Variants in LHFPL3 observed in about 807,000 individuals in gnomAD.
LHFPL3 encodes the protein LHFPL tetraspan subfamily member 3, also known as LHFPL tetraspan subfamily member 3 protein.
Under a neutral mutation model 19.3 loss-of-function variants are expected in LHFPL3, and 5 were observed. The observed-to-expected ratio is 0.26, with a 90% CI of 0.14 to 0.54. LHFPL3 has a LOEUF of 0.54. LHFPL3 is among the 20% of genes least tolerant of loss of function. LHFPL3 has a pLI of 0.94. For missense variants in LHFPL3, 249 were observed against 307.4 expected (o/e 0.81, Z 1.42); for synonymous variants, 133 against 126.2 (o/e 1.05, Z -0.36).
At chr7:104,434,582 T>A (rs1792064880) in intron 1 of LHFPL3, among the ~76,000 whole-genome samples, 1 of 152,220 alleles carries the variant, frequency 6.6e-6, no homozygotes, top group Non-Finnish European at 1.5e-5. Context: ...CCAGGTCCAC[T>A]TCACCATGGC....
intron 2 of LHFPL3, among the ~76,000 whole-genome samples, chr7:104,742,405 G>T (rs1386711312): frequency 1.3e-5 from 2 of 152,142 alleles, no homozygotes; most frequent in African/African-American, 4.8e-5. Context: ...ATATATTAAG[G>T]GTTTAAGCTC....
At chr7:104,601,741 G>T (rs1464659508) in intron 1 of LHFPL3, among the ~76,000 whole-genome samples, 1 of 152,086 alleles carries the variant, frequency 6.6e-6, no homozygotes, top group East Asian at 1.9e-4. Flanking sequence ...GCTCCAGTTA[G>T]AGTGCCCCAA....
At chr7:104,367,469 G>A (rs1308987962) in intron 1 of LHFPL3, among the ~76,000 whole-genome samples, 1 of 152,176 alleles carries the variant, frequency 6.6e-6, no homozygotes, top group Non-Finnish European at 1.5e-5. Context: ...TATTAAGACA[G>A]AACTAAGTTT....
intron 1 of LHFPL3, chr7:104,669,027 C>T: frequency 6.2e-7 from 1 of 1,612,066 alleles, no homozygotes; most frequent in Non-Finnish European, 8.5e-7. Flanking sequence ...AGACTGGGAC[C>T]TCCACCACAT....
intron 1 of LHFPL3, among the ~76,000 whole-genome samples, chr7:104,524,401 C>A (rs2188174): frequency 0.54 from 82,308 of 151,952 alleles, 22,409 homozygotes; most frequent in Middle Eastern, 0.63. Flanking sequence ...TCATAGGAAG[C>A]CACTTTGCTT....
At chr7:104,440,938 C>T (rs1016383942) in intron 1 of LHFPL3, among the ~76,000 whole-genome samples, 3 of 152,098 alleles carry the variant, frequency 2.0e-5, no homozygotes, top group Non-Finnish European at 4.4e-5. Context: ...TAGACATATG[C>T]ATACACTTAT....
intron 1 of LHFPL3, among the ~76,000 whole-genome samples, chr7:104,444,165 G>A (rs1424570772): frequency 6.6e-6 from 1 of 152,168 alleles, no homozygotes; most frequent in African/African-American, 2.4e-5. Flanking sequence ...GTAGATACCA[G>A]CCAGGGGCCA....
intron 2 of LHFPL3, among the ~76,000 whole-genome samples, chr7:104,768,352 C>CT (rs1283855334): frequency 6.6e-6 from 1 of 152,066 alleles, no homozygotes; most frequent in African/African-American, 2.4e-5. Context: ...TATCATTGGC[C>CT]TTTTGTGAAC....
chr7:104,482,555 G>A (rs1793157784), intron 1 of LHFPL3, among the ~76,000 whole-genome samples: 1 of 152,106 alleles, frequency 6.6e-6, no homozygotes, highest in South Asian at 2.1e-4. Flanking sequence ...TATACTGTCT[G>A]TGATTTGTCC....
At chr7:104,343,274 G>C (rs1012887465) in intron 1 of LHFPL3, among the ~76,000 whole-genome samples, 2 of 151,908 alleles carry the variant, frequency 1.3e-5, no homozygotes, top group Admixed American at 1.3e-4. Context: ...CAGCACTTTG[G>C]GAGGCTGAGG....
chr7:104,706,857 C>G (rs1793199824), intron 1 of LHFPL3, among the ~76,000 whole-genome samples: 1 of 152,178 alleles, frequency 6.6e-6, no homozygotes, highest in Admixed American at 6.5e-5. Flanking sequence ...TTAAGTGGCT[C>G]AGCCACAATT....
rs767634683 is a variant in LHFPL3, at chr7:104,614,680, C to CTTCCTTCCTTCCTTCTTTCT, written c.446-121992_446-121991insCTTCCTTCCTTCTTTCTTTC. On this transcript the variant is annotated intron_variant, in intron 1 of 2. Coordinates refer to ENST00000424859, the MANE Select transcript of LHFPL3 (RefSeq NM_199000.3). ...CCTTCCTTCCTTCCTTCCTTCCTTC[C>CTTCCTTCCTTCCTTCTTTCT]TTCTTTCTTTCTTTCTTTCTTTCTT... 1.6e-3 allele frequency among the ~76,000 whole-genome samples: 154 copies of CTTCCTTCCTTCCTTCTTTCT among 94,460 alleles called. 1 individual carries two copies. The highest frequency in any genetic ancestry group is 2.6e-3 in the Non-Finnish European group (120 of 45,476). 62.0% of individuals were successfully genotyped at this position (94,460 alleles called of 152,430 possible).
intron 1 of LHFPL3, among the ~76,000 whole-genome samples, chr7:104,334,294 C>T (rs1483585257): frequency 1.3e-5 from 2 of 152,156 alleles, no homozygotes; most frequent in Admixed American, 6.5e-5. Flanking sequence ...CACCTGTAAT[C>T]GCAGCACTTT....
chr7:104,858,595 C>G (rs1374022800), intron 2 of LHFPL3, among the ~76,000 whole-genome samples: 1 of 152,172 alleles, frequency 6.6e-6, no homozygotes, highest in Non-Finnish European at 1.5e-5. Context: ...CACCTCCACC[C>G]TCACTGAACC....
At chr7:104,668,914 G>T (rs1792417838) in intron 1 of LHFPL3, 39 of 1,612,424 alleles carry the variant, frequency 2.4e-5, no homozygotes, top group Non-Finnish European at 3.2e-5. Context: ...GCGTCAGCTG[G>T]ATGGGCCAAA....
chr7:104,714,562 G>A (rs1351769340), intron 1 of LHFPL3, among the ~76,000 whole-genome samples: 1 of 151,814 alleles, frequency 6.6e-6, no homozygotes, highest in South Asian at 2.1e-4. Context: ...GTAAGTCAGT[G>A]CCTCGGAGTT....
intron 1 of LHFPL3, among the ~76,000 whole-genome samples, chr7:104,651,100 G>A (rs1443539355): frequency 6.6e-6 from 1 of 152,162 alleles, no homozygotes; most frequent in Non-Finnish European, 1.5e-5. Context: ...ATGGGGTATG[G>A]AACGAGGGTG....
Position 104,500,070 on chromosome 7 carries a change from A to G in LHFPL3, c.445+170846A>G, listed in dbSNP as rs192466385. ...TGACTATGCATTGCCTACTGATGTG[A>G]TGTCTGTTTCCAGGACTGATTCAGT... On this transcript the variant is annotated intron_variant, in intron 1 of 2. Transcript: ENST00000424859. Among the ~76,000 whole-genome samples, 10 of 152,294 alleles carry G rather than the reference A, an allele frequency of 6.6e-5. No homozygotes were observed. In the East Asian group the frequency reaches 1.9e-3, roughly 29 times the overall value.
intron 1 of LHFPL3, among the ~76,000 whole-genome samples, chr7:104,468,776 A>C (rs1257544449): frequency 6.7e-6 from 1 of 150,338 alleles, no homozygotes; most frequent in Non-Finnish European, 1.5e-5. Flanking sequence ...CTCCTGCCTC[A>C]GCCTCCCGAG....
Sources: gnomAD v4.1 joint callset for allele counts (sites outside exome capture counted in the v4.1 genomes callset) on GRCh38, gnomAD v4.1.1 for gene constraint, MANE v1.5 for transcripts, NCBI Gene and HGNC (gene_info 2026-07-23, HGNC 2026-07-21) for gene names.